Variants in ZBED1 observed in about 807,000 individuals in gnomAD.
The protein encoded by ZBED1 is zinc finger BED-type containing 1, also known as E3 SUMO-protein ligase ZBED1.
Under a neutral mutation model 49.7 loss-of-function variants are expected in ZBED1, and 19 were observed. The observed-to-expected ratio is 0.38, with a 90% CI of 0.27 to 0.56. The LOEUF (loss-of-function observed/expected upper bound fraction) is 0.56. ZBED1 is among the 20% of genes least tolerant of loss of function. ZBED1 has a pLI of 0.70. For missense variants in ZBED1, 806 were observed against 972.6 expected, an observed-to-expected ratio of 0.83 and a Z score of 2.28; for synonymous variants, 439 against 440.3, an observed-to-expected ratio of 1.00 and a Z score of 0.04.
At chrX:2,492,580 TC>T (rs1025555770) in intron 1 of ZBED1, among the ~76,000 whole-genome samples, 22 of 151,898 alleles carry the variant, frequency 1.4e-4, no homozygotes, top group African/African-American at 5.3e-4. Context: ...GATGAGATCA[TC>T]CGGGATTTGA....
rs949465353 is a variant in ZBED1, at chrX:2,487,125, GTCTT to G, written c.*1506_*1509del. ...AAAGCAGTTCTACATGTTGGAAAAC[GTCTT>G]TCTGTTTCCCTGAATGACTGAAAGC... is the stretch of plus-strand genomic sequence containing the variant. On this transcript the variant is annotated 3_prime_UTR_variant, in exon 2 of 2. Coordinates refer to ENST00000652001, the MANE Select transcript of ZBED1 (RefSeq NM_001171136.2). 2.7e-4 allele frequency: 41 copies of G among 152,308 alleles called. 1 individual carries two copies. Among genetic ancestry groups the G allele is most frequent in the African/African-American group, 7.5e-4 (31 of 41,564 alleles). 9.4% of individuals were successfully genotyped at this position (152,308 alleles called of 1,614,324 possible).
intron 1 of ZBED1, among the ~76,000 whole-genome samples, chrX:2,499,627 C>G (rs2045363263): frequency 1.3e-5 from 2 of 151,702 alleles, no homozygotes; most frequent in South Asian, 4.2e-4. Flanking sequence ...AAAACATTAG[C>G]CAGGCGTGGT....
At chrX:2,498,819 T>C (rs1569351477) in intron 1 of ZBED1, among the ~76,000 whole-genome samples, 1 of 152,160 alleles carries the variant, frequency 6.6e-6, no homozygotes, top group African/African-American at 2.4e-5. Flanking sequence ...TCTGCGAGAC[T>C]CCACACAATT....
chrX:2,489,236 T>C lies in ZBED1; in HGVS notation c.1484A>G (p.Asn495Ser). 6.2e-7 allele frequency: 1 copy of C among 1,613,796 alleles called. No individual in the cohort carries two copies. Among genetic ancestry groups the C allele is most frequent in the African/African-American group, 1.3e-5 (1 of 75,004 alleles). ...LSAFERQQVE[N>S]RVVEEAKGLL... is the part of the protein sequence containing the mutation. ...GCCCTTGGCCTCTTCCACCACGCGA[T>C]TCTCCACCTGCTGCCGCTCGAAGGC... Residue 495 changes from asparagine to serine, a missense_variant, in exon 2 of 2, where the codon AAT becomes AGT. Transcript: ENST00000652001.
rs1381211867 is a variant in ZBED1 at position 2,489,932 on chromosome X, T to A, written c.788A>T (p.Lys263Met). The part of the protein sequence containing the change: ...EVFIEWGISA[K>M]VFGATTNYGK... ...ATAGTTGGTGGTGGCCCCGAAGACC[T>A]TGGCGCTGATGCCCCACTCGATGAA... Residue 263 changes from lysine (K) to methionine (M), a missense_variant, in exon 2 of 2, where the codon AAG becomes ATG. Around this residue, in one of 2 missense-constraint regions of ZBED1, gnomAD observed 749 missense variants for 861.3 expected, o/e 0.87. Transcript: ENST00000652001. The A allele has an allele frequency of 6.2e-7, 1 of 1,613,864 alleles. No individual in the cohort carries two copies. The highest frequency in any genetic ancestry group is 2.2e-5 in the East Asian group (1 of 44,870).
rs1361855407 is a variant in ZBED1, at chrX:2,486,733, AAC to A, written c.*1900_*1901del. On this transcript the variant is annotated 3_prime_UTR_variant, in exon 2 of 2. Transcript: ENST00000652001. ...CCCTTCCAGCTGCCCTTCTGCCGAG[AAC>A]ACCCGGAGCTGAGGGTTCCAAGTTC... 1.3e-5 allele frequency: 2 copies of A among 152,250 alleles called. No homozygotes were observed. Among genetic ancestry groups the A allele is most frequent in the African/African-American group, 2.4e-5 (1 of 41,452 alleles). The allele number at this position is 152,250 out of a possible 1,614,324, so 9.4% of individuals were successfully genotyped here.
Position 2,488,093 on chromosome X carries a change from A to G in ZBED1, c.*542T>C, listed in dbSNP as rs1313627504. On this transcript the variant is annotated 3_prime_UTR_variant, in exon 2 of 2. Transcript: ENST00000652001. ...TAGGCTCTGCTGCACGCAATTCCCA[A>G]GCAGAAGCGTTGGCAGTTCCCAAGC... The G allele has an allele frequency of 6.6e-6, 1 of 152,434 alleles. No homozygotes were observed. Among genetic ancestry groups the G allele is most frequent in the Non-Finnish European group, 1.5e-5 (1 of 68,424 alleles). The allele number at this position is 152,434 out of a possible 1,614,324, so 9.4% of individuals were successfully genotyped here.
chrX:2,500,499 G>C (rs756357375), intron 1 of ZBED1: 39 of 157,414 alleles, frequency 2.5e-4, no homozygotes, highest in Admixed American at 3.9e-4. Context: ...GGGGGCGGCT[G>C]CACGGGGGCT....
intron 1 of ZBED1, among the ~76,000 whole-genome samples, chrX:2,498,374 TA>T (rs889201919): frequency 1.1e-4 from 16 of 152,062 alleles, no homozygotes; most frequent in Non-Finnish European, 1.9e-4. Context: ...GAGAAGCAAA[TA>T]AAAAATGCCG....
Position 2,489,318 on chromosome X carries a change from A to G in ZBED1, c.1402T>C (p.Phe468Leu). ...TYQETPEIDM[F>L]LNVATFLDPR... ...TCCAGGAAGGTGGCCACGTTGAGAA[A>G]CATGTCGATCTCGGGCGTCTCCTGG... Residue 468 changes from phenylalanine to leucine, a missense_variant, in exon 2 of 2, where the codon TTT becomes CTT. Transcript: ENST00000652001. 1 of 1,613,654 alleles carries G rather than the reference A, an allele frequency of 6.2e-7. No individual in the cohort carries two copies. Among genetic ancestry groups the G allele is most frequent in the Non-Finnish European group, 8.5e-7 (1 of 1,179,804 alleles).
Position 2,490,661 on chromosome X carries a change from C to T in ZBED1, c.59G>A (p.Arg20His), listed in dbSNP as rs2045112743. 1.2e-6 allele frequency: 2 copies of T among 1,613,752 alleles called. No homozygotes were observed. Among genetic ancestry groups the T allele is most frequent in the Admixed American group, 1.7e-5 (1 of 59,992 alleles). ...ATACTTCCACACCTTGCTCTTGGCG[C>T]GGGGGTGGGCCACCAGCTTCAGGTC... ...QTDLKLVAHP[R>H]AKSKVWKYFG... The change falls in exon 2 of 2, where the codon CGC becomes CAC. Residue 20 changes from arginine to histidine, a missense_variant. Around this residue, in one of 2 missense-constraint regions of ZBED1, gnomAD observed 57 missense variants for 111.3 expected, o/e 0.51. Transcript: ENST00000652001.
intron 1 of ZBED1, 69 bp downstream of exon 1, chrX:2,500,748 C>A: frequency 1.3e-6 from 1 of 781,376 alleles, no homozygotes; most frequent in African/African-American, 1.9e-5. Flanking sequence ...GCCCCCGCGC[C>A]CCCGCCCCCG....
Position 2,490,376 on chromosome X carries a change from C to T in ZBED1, c.344G>A (p.Gly115Asp). 2 of 1,613,448 alleles carry T rather than the reference C, an allele frequency of 1.2e-6. No individual in the cohort carries two copies. Among genetic ancestry groups the T allele is most frequent in the Non-Finnish European group, 1.7e-6 (2 of 1,179,826 alleles). ...CTGCTTCTTGCTGTCGTAGCCGTGG[C>T]CGGCCTTGACGGCCAGCGCGTCCTG... is the stretch of plus-strand genomic sequence containing the variant. ...PGQDALAVKA[G>D]HGYDSKKQQE... is the part of the protein sequence containing the mutation. Residue 115 changes from glycine (G) to aspartate (D), a missense_variant, in exon 2 of 2, where the codon GGC (glycine) becomes GAC (aspartate). By Grantham distance (94) the Gly-to-Asp change is moderately conservative. This residue lies in a region of ZBED1 where 749 missense variants were observed against 861.3 expected (regional missense o/e 0.87). Coordinates refer to ENST00000652001, the MANE Select transcript of ZBED1 (RefSeq NM_001171136.2).
chrX:2,488,803 C>A lies in ZBED1; in HGVS notation c.1917G>T (p.Ala639=). Residue 639 remains alanine, a synonymous_variant, in exon 2 of 2, where the codon GCG becomes GCT. Transcript: ENST00000652001. ...ACAGAAACACCTGCTCGTCCACGTG[C>A]GCGGGAGCCAGCCGGTTCCTCTTGG... ...VSAKRNRLAP[A]HVDEQVFLYE... 6.2e-7 allele frequency: 1 copy of A among 1,613,892 alleles called. No homozygotes were observed. The highest frequency in any genetic ancestry group is 8.5e-7 in the Non-Finnish European group (1 of 1,179,864).
intron 1 of ZBED1, among the ~76,000 whole-genome samples, chrX:2,491,097 T>G (rs2045131159): frequency 1.5e-5 from 2 of 129,348 alleles, no homozygotes; most frequent in African/African-American, 2.9e-5. Flanking sequence ...TGAGACAGAG[T>G]TTCGCTCTGT....
Position 2,489,005 on chromosome X carries a change from A to G in ZBED1, c.1715T>C (p.Leu572Pro), listed in dbSNP as rs2045039453. ...CACCTTCTGGGACTTGAAGTTGCTC[A>G]GCTCCTCCACCACCTGGGCATGCCA... ...EEWHAQVVEE[L>P]SNFKSQKVLG... is the part of the protein sequence containing the mutation. Residue 572 changes from leucine to proline, a missense_variant, in exon 2 of 2, where the codon CTG (leucine) becomes CCG (proline). Leu to Pro is a moderately conservative substitution (Grantham distance 98). Around this residue, in one of 2 missense-constraint regions of ZBED1, gnomAD observed 749 missense variants for 861.3 expected, o/e 0.87. Coordinates refer to ENST00000652001, the MANE Select transcript of ZBED1 (RefSeq NM_001171136.2). 8 of 1,610,144 alleles carry G rather than the reference A, an allele frequency of 5.0e-6. No homozygotes were observed. The highest frequency in any genetic ancestry group is 4.2e-6 in the Non-Finnish European group (5 of 1,177,592).
At chrX:2,497,151 T>C (rs953532955) in intron 1 of ZBED1, among the ~76,000 whole-genome samples, 1 of 152,108 alleles carries the variant, frequency 6.6e-6, no homozygotes, top group Non-Finnish European at 1.5e-5. Context: ...ATCCCAGCAA[T>C]TTGGGATGCC....
At position 2,488,579 on chromosome X, in the gene ZBED1, G is replaced by T; in HGVS notation, c.*56C>A. ...CAAGCTGACCGGGTAAGTATTTACA[G>T]CAAAGCATCCAATGGGCTGCTGCGG... On this transcript the variant is annotated 3_prime_UTR_variant, in exon 2 of 2. Transcript: ENST00000652001. 2 of 1,527,020 alleles carry T rather than the reference G, an allele frequency of 1.3e-6. No homozygotes were observed. Among genetic ancestry groups the T allele is most frequent in the Non-Finnish European group, 1.8e-6 (2 of 1,138,716 alleles). The allele number at this position is 1,527,020 out of a possible 1,614,324, so 94.6% of individuals were successfully genotyped here.
chrX:2,488,949 A>C lies in ZBED1; in HGVS notation c.1771T>G (p.Trp591Gly). ...LGLNEDPLKW[W>G]SDRLALFPLL... is the part of the protein sequence containing the mutation. ...GGGAAGAGGGCCAGGCGGTCTGACCACCACTTGAGGGGGTCTTCGTTGAGG... is the reference window on the plus strand; with the variant it reads ...GGGAAGAGGGCCAGGCGGTCTGACCCCCACTTGAGGGGGTCTTCGTTGAGG... Residue 591 changes from tryptophan (W) to glycine (G), a missense_variant, in exon 2 of 2, where the codon TGG becomes GGG. Around this residue, in one of 2 missense-constraint regions of ZBED1, gnomAD observed 749 missense variants for 861.3 expected, o/e 0.87. Transcript: ENST00000652001. 1 of 1,597,230 alleles carries C rather than the reference A, an allele frequency of 6.3e-7. No homozygotes were observed. Among genetic ancestry groups the C allele is most frequent in the Non-Finnish European group, 8.5e-7 (1 of 1,170,368 alleles).
Sources: allele counts gnomAD v4.1 joint callset (sites outside exome capture counted in the v4.1 genomes callset), GRCh38; gene constraint gnomAD v4.1.1; regional missense constraint gnomAD v4.1.1; transcripts MANE v1.5; gene names NCBI Gene and HGNC (gene_info 2026-07-23, HGNC 2026-07-21).